The following ATP10B variants were observed in gnomAD, a reference collection of about 807,000 sequenced individuals.
ATP10B encodes the protein ATPase phospholipid transporting 10B (putative), also known as phospholipid-transporting ATPase VB.
A neutral mutation model predicts 141.2 loss-of-function variants in ATP10B; 122 were observed. The ratio of observed to expected loss-of-function variants is 0.86; its 90% CI spans 0.75 to 1.00. ATP10B has a LOEUF of 1.00. Ranked by LOEUF, ATP10B falls within the 50% of genes least tolerant of loss-of-function variation. The pLI is 0.00. For synonymous variants in ATP10B, 685 were observed against 692.0 expected (o/e 0.99, Z 0.16); for missense variants, 1,876 against 1,825.3 (o/e 1.03, Z -0.51).
intron 1 of ATP10B, among the ~76,000 whole-genome samples, chr5:160,849,034 T>C (rs1253953317): frequency 2.0e-5 from 3 of 152,178 alleles, no homozygotes; most frequent in Non-Finnish European, 4.4e-5. Flanking sequence ...TGACTCAGCA[T>C]GTCTGCGGCA....
chr5:160,881,569 T>C, the ATP10B span, among the ~76,000 whole-genome samples: 6 of 152,106 alleles, frequency 3.9e-5, no homozygotes, highest in Non-Finnish European at 5.9e-5. Flanking sequence ...TCCCAGCACT[T>C]TGGGAGGCCG....
chr5:160,788,209 A>G (rs1211325476), intron 1 of ATP10B, among the ~76,000 whole-genome samples: 3 of 152,160 alleles, frequency 2.0e-5, no homozygotes, highest in African/African-American at 7.2e-5. Flanking sequence ...GGAGAAGAGG[A>G]AAATGTTCTG....
intron 8 of ATP10B, among the ~76,000 whole-genome samples, chr5:160,647,665 G>C (rs528930516): frequency 6.6e-6 from 1 of 152,302 alleles, no homozygotes; most frequent in South Asian, 2.1e-4. Flanking sequence ...GACTCAAGGC[G>C]TGAGGGATTT....
At chr5:160,758,811 TAAG>T (rs1263178485) in intron 2 of ATP10B, among the ~76,000 whole-genome samples, 1 of 152,126 alleles carries the variant, frequency 6.6e-6, no homozygotes, top group Non-Finnish European at 1.5e-5. Context: ...ACAGGGCAGG[TAAG>T]AAGAATAATT....
At chr5:160,709,829 C>T in intron 3 of ATP10B, among the ~76,000 whole-genome samples, 2 of 115,626 alleles carry the variant, frequency 1.7e-5, no homozygotes, top group African/African-American at 6.7e-5. Flanking sequence ...TCTCATTGTT[C>T]AATTCCCACC....
intron 12 of ATP10B, chr5:160,632,620 G>GTTTTTTTTTTTTT (rs34556097): frequency 7.8e-6 from 1 of 127,722 alleles, no homozygotes; most frequent in Non-Finnish European, 1.6e-5. Context: ...TTCCTCAGAG[G>GTTTTTTTTTTTTT]TTTTTTTTTT....
At chr5:160,608,584 A>C (rs1757534960) in intron 18 of ATP10B, among the ~76,000 whole-genome samples, 1 of 152,122 alleles carries the variant, frequency 6.6e-6, no homozygotes, top group Admixed American at 6.6e-5. Flanking sequence ...CATCCTCTCT[A>C]GCACCTGTTG....
chr5:160,641,092 T>C (rs1226360575), intron 9 of ATP10B, among the ~76,000 whole-genome samples: 1 of 152,174 alleles, frequency 6.6e-6, no homozygotes, highest in African/African-American at 2.4e-5. Context: ...TCATTATTAA[T>C]AAGTCCTATG....
chr5:160,867,638 G>T, the ATP10B span, among the ~76,000 whole-genome samples: 1 of 152,092 alleles, frequency 6.6e-6, no homozygotes, highest in Admixed American at 6.6e-5. Flanking sequence ...GAGGATAAAT[G>T]ACCAATGTTA....
intron 1 of ATP10B, among the ~76,000 whole-genome samples, chr5:160,794,803 A>G (rs1401694499): frequency 6.6e-6 from 1 of 152,192 alleles, no homozygotes; most frequent in Non-Finnish European, 1.5e-5. Flanking sequence ...TCCTCTACTT[A>G]AAGTAGTATC....
At chr5:160,859,708 G>A in the ATP10B span, among the ~76,000 whole-genome samples, 212 of 151,934 alleles carry the variant, frequency 1.4e-3, no homozygotes, top group African/African-American at 4.9e-3. Context: ...CTGCTTGTTG[G>A]AAATGGTTTG....
intron 6 of ATP10B, among the ~76,000 whole-genome samples, chr5:160,681,473 T>C (rs918707258): frequency 1.3e-5 from 2 of 152,198 alleles, no homozygotes; most frequent in Non-Finnish European, 2.9e-5. Context: ...TCTCTGTCCC[T>C]TGAGGATGAA....
At chr5:160,583,800 G>A (rs995558688) in intron 24 of ATP10B, among the ~76,000 whole-genome samples, 6 of 152,182 alleles carry the variant, frequency 3.9e-5, no homozygotes, top group African/African-American at 1.2e-4. Context: ...TGTCCAGTTC[G>A]AATTTCCTGG....
chr5:160,573,454 G>A (rs935966513), intron 24 of ATP10B, among the ~76,000 whole-genome samples: 7 of 152,158 alleles, frequency 4.6e-5, no homozygotes, highest in Non-Finnish European at 1.0e-4. Context: ...AAAGAAGAGG[G>A]GTCCCCAGCT....
intron 2 of ATP10B, among the ~76,000 whole-genome samples, chr5:160,775,815 G>A (rs1456409571): frequency 1.3e-5 from 2 of 151,766 alleles, no homozygotes; most frequent in Admixed American, 6.6e-5. Flanking sequence ...CAAGTAGCTG[G>A]GACTACAGGC....
At chr5:160,729,608 G>A (rs1050868942) in intron 2 of ATP10B, among the ~76,000 whole-genome samples, 12 of 152,188 alleles carry the variant, frequency 7.9e-5, no homozygotes, top group East Asian at 1.9e-4. Context: ...AGGTGACAAC[G>A]GTAGTGGCAG....
intron 2 of ATP10B, among the ~76,000 whole-genome samples, chr5:160,730,469 C>T (rs1222038570): frequency 6.6e-6 from 1 of 152,056 alleles, no homozygotes; most frequent in Non-Finnish European, 1.5e-5. Context: ...CCCGACCCCA[C>T]CTGATGGGAG....
intron 1 of ATP10B, among the ~76,000 whole-genome samples, chr5:160,815,192 A>C (rs1250586710): frequency 6.6e-6 from 1 of 152,228 alleles, no homozygotes; most frequent in Non-Finnish European, 1.5e-5. Context: ...ACAGACTGGC[A>C]AATTGGATAA....
intron 2 of ATP10B, among the ~76,000 whole-genome samples, chr5:160,749,722 A>G (rs1472880497): frequency 6.6e-6 from 1 of 152,202 alleles, no homozygotes; most frequent in East Asian, 1.9e-4. Context: ...AAAGCTGTGG[A>G]CCACTAGAAG....
Sources: allele counts gnomAD v4.1 joint callset (sites outside exome capture counted in the v4.1 genomes callset), GRCh38; gene constraint gnomAD v4.1.1; transcripts MANE v1.5; gene names NCBI Gene and HGNC (gene_info 2026-07-23, HGNC 2026-07-21).